Variants in RBFOX1 observed in about 807,000 individuals in gnomAD.
The protein encoded by RBFOX1 is RNA binding protein fox-1 homolog 1.
RBFOX1 carries 8 observed loss-of-function variants against 57.7 expected under a neutral mutation model. The observed-to-expected ratio is 0.14, with a 90% CI of 0.08 to 0.25. RBFOX1 has a LOEUF of 0.25. Among genes scored for constraint, RBFOX1 ranks in the 10% least tolerant of loss-of-function variants. The pLI is 1.00. For missense variants in RBFOX1, 611 were observed against 548.5 expected, an observed-to-expected ratio of 1.11 and a Z score of -1.14; for synonymous variants, 326 against 222.4, an observed-to-expected ratio of 1.47 and a Z score of -4.15.
chr16:7,676,378 AT>A (rs1555759681), intron 13 of RBFOX1, among the ~76,000 whole-genome samples: 1 of 152,248 alleles, frequency 6.6e-6, no homozygotes, highest in Non-Finnish European at 1.5e-5. Flanking sequence ...TTTGAATAAA[AT>A]TTAAGTTAAT....
intron 2 of RBFOX1, among the ~76,000 whole-genome samples, chr16:6,502,887 C>T (rs1039612045): frequency 2.0e-5 from 3 of 152,068 alleles, no homozygotes; most frequent in Non-Finnish European, 2.9e-5. Context: ...TATAGCAATG[C>T]CATGTTACAA....
intron 14 of RBFOX1, among the ~76,000 whole-genome samples, chr16:7,692,516 C>G (rs112371072): frequency 6.6e-6 from 1 of 152,088 alleles, no homozygotes; most frequent in Admixed American, 6.6e-5. Context: ...GATGAAAACC[C>G]AGAGCCCCTG....
chr16:6,021,413 C>G (rs1334239027), intron 1 of RBFOX1, among the ~76,000 whole-genome samples: 1 of 152,074 alleles, frequency 6.6e-6, no homozygotes, highest in South Asian at 2.1e-4. Context: ...ACAGAGGCCC[C>G]GGCTGGAGCT....
intron 2 of RBFOX1, among the ~76,000 whole-genome samples, chr16:6,594,922 G>T (rs2153995402): frequency 6.6e-6 from 1 of 152,206 alleles, no homozygotes; most frequent in South Asian, 2.1e-4. Flanking sequence ...TGGAGTAGCT[G>T]GGACTACAGG....
intron 4 of RBFOX1, among the ~76,000 whole-genome samples, chr16:7,284,454 C>T (rs990248941): frequency 6.6e-6 from 1 of 152,164 alleles, no homozygotes; most frequent in Non-Finnish European, 1.5e-5. Context: ...CCTCAGCCTC[C>T]TGAGTAGCTG....
At chr16:7,669,101 G>A (rs777583171) in intron 13 of RBFOX1, among the ~76,000 whole-genome samples, 3 of 152,086 alleles carry the variant, frequency 2.0e-5, no homozygotes, top group East Asian at 3.9e-4. Context: ...ATGGGGTTTC[G>A]CCATGTTGGC....
intron 3 of RBFOX1, among the ~76,000 whole-genome samples, chr16:6,999,086 C>G (rs1418924768): frequency 6.6e-6 from 1 of 150,664 alleles, no homozygotes; most frequent in Non-Finnish European, 1.5e-5. Context: ...CCAAGTTGGT[C>G]TTGAACTCCT....
At chr16:6,236,336 C>G (rs892038343) in intron 1 of RBFOX1, among the ~76,000 whole-genome samples, 1 of 152,122 alleles carries the variant, frequency 6.6e-6, no homozygotes, top group Non-Finnish European at 1.5e-5. Flanking sequence ...GTACCTAACT[C>G]ATAATCTGTG....
chr16:7,570,147 C>T lies in RBFOX1; in HGVS notation c.271-9630C>T, dbSNP rs191934573. ...CCTTAATAAATTGGGTTAAAATGAA[C>T]GTTCTTAAAATTTTACTTTTTTTTT... On this transcript the variant is annotated intron_variant, in intron 5 of 15. Transcript: ENST00000550418. 4.2e-5 allele frequency among the ~76,000 whole-genome samples: 6 copies of T among 143,744 alleles called. No homozygotes were observed. In the South Asian group the frequency reaches 6.9e-4, roughly 16 times the overall value. 94.3% of individuals were successfully genotyped at this position (143,744 alleles called of 152,430 possible). A position where few individuals can be genotyped will look rare whatever the true frequency, so the allele number is the denominator to read the frequency against.
chr16:7,169,299 C>A (rs1172203142), intron 4 of RBFOX1, among the ~76,000 whole-genome samples: 1 of 152,142 alleles, frequency 6.6e-6, no homozygotes, highest in Non-Finnish European at 1.5e-5. Context: ...GAGATACTAG[C>A]CATTTACTAA....
At chr16:6,150,435 T>C (rs1295994508) in intron 1 of RBFOX1, among the ~76,000 whole-genome samples, 2 of 152,142 alleles carry the variant, frequency 1.3e-5, no homozygotes, top group Admixed American at 6.5e-5. Context: ...GGAGCTCTAC[T>C]TCTGGAAATT....
intron 3 of RBFOX1, among the ~76,000 whole-genome samples, chr16:6,710,813 C>A (rs1293096113): frequency 1.3e-5 from 2 of 152,226 alleles, no homozygotes; most frequent in Non-Finnish European, 2.9e-5. Context: ...GAGAGATCCT[C>A]TTCCCCTGTA....
At chr16:7,662,534 A>C (rs1017262142) in intron 12 of RBFOX1, among the ~76,000 whole-genome samples, 5 of 152,196 alleles carry the variant, frequency 3.3e-5, no homozygotes, top group Non-Finnish European at 7.3e-5. Context: ...CTTCTAGGTA[A>C]CAAGCAGTGT....
chr16:7,290,046 A>G (rs1264392210), intron 4 of RBFOX1, among the ~76,000 whole-genome samples: 2 of 152,164 alleles, frequency 1.3e-5, no homozygotes, highest in African/African-American at 2.4e-5. Context: ...TGTGCTTCCC[A>G]GGGTTACATG....
At chr16:6,040,673 C>G (rs1449240195) in intron 1 of RBFOX1, among the ~76,000 whole-genome samples, 1 of 151,956 alleles carries the variant, frequency 6.6e-6, no homozygotes, top group Non-Finnish European at 1.5e-5. Flanking sequence ...TGACTCATTG[C>G]AAACTCTGCC....
intron 4 of RBFOX1, among the ~76,000 whole-genome samples, chr16:7,511,491 G>A (rs947314277): frequency 6.6e-6 from 1 of 152,198 alleles, no homozygotes; most frequent in Non-Finnish European, 1.5e-5. Flanking sequence ...CATCAGAAGA[G>A]TGGCCCTCTT....
intron 1 of RBFOX1, among the ~76,000 whole-genome samples, chr16:6,239,789 G>A (rs549345424): frequency 6.6e-6 from 1 of 152,188 alleles, no homozygotes; most frequent in African/African-American, 2.4e-5. Context: ...GAGCCACCAT[G>A]CCCAGCCTCC....
intron 3 of RBFOX1, among the ~76,000 whole-genome samples, chr16:6,862,049 G>GA (rs1421056413): frequency 6.6e-6 from 1 of 152,058 alleles, no homozygotes; most frequent in Non-Finnish European, 1.5e-5. Context: ...ATACTGTCAG[G>GA]AAAAATCACA....
intron 4 of RBFOX1, among the ~76,000 whole-genome samples, chr16:7,214,756 G>A (rs2091751557): frequency 1.3e-5 from 2 of 151,924 alleles, no homozygotes; most frequent in African/African-American, 2.4e-5. Context: ...TTTCTCCATG[G>A]TTTCCTTCAC....
Sources: allele counts gnomAD v4.1 joint callset (sites outside exome capture counted in the v4.1 genomes callset), GRCh38; gene constraint gnomAD v4.1.1; transcripts MANE v1.5; gene names NCBI Gene and HGNC (gene_info 2026-07-23, HGNC 2026-07-21).